Variants in ALK observed in about 807,000 individuals in gnomAD.
ALK encodes ALK tyrosine kinase receptor.
In ALK, 74 loss-of-function variants were observed where a neutral mutation model predicts 163.1. The observed-to-expected ratio is 0.45, with a 90% CI of 0.38 to 0.55. The LOEUF (loss-of-function observed/expected upper bound fraction) is 0.55. Among genes scored for constraint, ALK ranks in the 20% least tolerant of loss-of-function variants. The pLI, the probability that ALK is intolerant of heterozygous loss-of-function variation, is 0.00. For synonymous variants in ALK, 960 were observed against 843.2 expected (o/e 1.14, Z -2.40); for missense variants, 2,063 against 2,105.3 (o/e 0.98, Z 0.39).
chr2:29,660,362 A>C (rs1677312568), intron 3 of ALK, among the ~76,000 whole-genome samples: 2 of 152,218 alleles, frequency 1.3e-5, no homozygotes, highest in Non-Finnish European at 2.9e-5. Context: ...AGGAACTGGA[A>C]ACAAGAAGAG....
At chr2:29,838,281 A>C (rs188337039) in intron 1 of ALK, among the ~76,000 whole-genome samples, 1 of 152,282 alleles carries the variant, frequency 6.6e-6, no homozygotes, top group Admixed American at 6.5e-5. Context: ...GTGAGACAAA[A>C]AGTTGGGTCA....
intron 1 of ALK, among the ~76,000 whole-genome samples, chr2:29,817,734 A>G (rs1413779577): frequency 6.6e-6 from 1 of 152,082 alleles, no homozygotes; most frequent in Non-Finnish European, 1.5e-5. Context: ...CCAAGTCCAC[A>G]TAGATGCAGG....
chr2:29,640,077 C>T (rs549273887), intron 3 of ALK, among the ~76,000 whole-genome samples: 126 of 152,242 alleles, frequency 8.3e-4, no homozygotes, highest in African/African-American at 2.8e-3. Context: ...CCTAATGCTG[C>T]GAATTAGACA....
chr2:29,214,927 A>G (rs1440568029), intron 23 of ALK, among the ~76,000 whole-genome samples: 1 of 152,206 alleles, frequency 6.6e-6, no homozygotes, highest in African/African-American at 2.4e-5. Context: ...AGCACCCAGC[A>G]CAATGCTGGA....
rs1665501457 is a variant in ALK, at chr2:29,275,169, C to T, written c.1971G>A (p.Glu657=). Residue 657 remains glutamate, a synonymous_variant, in exon 11 of 29, where the codon GAG becomes GAA. Coordinates refer to ENST00000389048, the MANE Select transcript of ALK (RefSeq NM_004304.5). ...NTAPKSRNLF[E]RNPNKELKPG... Reference sequence around the variant, plus strand: ...GTTTCAGCTCCTTGTTTGGGTTTCTCTCAAACAGGTTTCTTGATTTGGGTG... The same window carrying T: ...GTTTCAGCTCCTTGTTTGGGTTTCTTTCAAACAGGTTTCTTGATTTGGGTG... 2 of 1,614,204 alleles carry T rather than the reference C, an allele frequency of 1.2e-6. No individual in the cohort carries two copies. The highest frequency in any genetic ancestry group is 1.7e-6 in the Non-Finnish European group (2 of 1,180,036).
intron 1 of ALK, chr2:29,891,124 G>T (rs530132997): frequency 4.0e-4 from 61 of 152,332 alleles, no homozygotes; most frequent in African/African-American, 1.2e-3. Flanking sequence ...CCTAATGGAT[G>T]CTTTATAAGT....
At chr2:29,398,841 C>A (rs1463357899) in intron 4 of ALK, among the ~76,000 whole-genome samples, 1 of 152,150 alleles carries the variant, frequency 6.6e-6, no homozygotes, top group Non-Finnish European at 1.5e-5. Context: ...CAGCTCAGAG[C>A]AGGTTCAGAG....
intron 1 of ALK, chr2:29,892,438 T>C (rs997526119): frequency 6.6e-6 from 1 of 152,240 alleles, no homozygotes; most frequent in Non-Finnish European, 1.5e-5. Context: ...AACTGTCCAC[T>C]ATACTCTTCA....
intron 4 of ALK, among the ~76,000 whole-genome samples, chr2:29,456,192 G>A (rs769497573): frequency 6.6e-5 from 10 of 152,038 alleles, no homozygotes; most frequent in Non-Finnish European, 1.3e-4. Flanking sequence ...TAGAATTGTC[G>A]TATGCTCCAG....
intron 1 of ALK, among the ~76,000 whole-genome samples, chr2:29,762,714 T>A (rs1402563008): frequency 6.6e-6 from 1 of 152,168 alleles, no homozygotes; most frequent in Non-Finnish European, 1.5e-5. Context: ...CCAGCTAAGA[T>A]GTTGCAGCCA....
rs1399384472 is a variant in ALK at position 29,575,348 on chromosome 2, C to A, written c.953-43232G>T. 2.0e-5 allele frequency among the ~76,000 whole-genome samples: 3 copies of A among 152,282 alleles called. No individual in the cohort carries two copies. In the East Asian group the frequency reaches 5.8e-4, roughly 29 times the overall value. ...TTATGGAAAGCTGCGAATGTTTTCA[C>A]CAGGTTTCATCTGTTTTTATTCTCT... On this transcript the variant is annotated intron_variant, in intron 3 of 28. Coordinates refer to ENST00000389048, the MANE Select transcript of ALK (RefSeq NM_004304.5).
intron 1 of ALK, among the ~76,000 whole-genome samples, chr2:29,869,231 G>A (rs1666516083): frequency 6.6e-6 from 1 of 152,152 alleles, no homozygotes; most frequent in Non-Finnish European, 1.5e-5. Context: ...CATATAACAA[G>A]AGATAACTGG....
Position 29,697,250 on chromosome 2 carries a change from TCTC to T in ALK, c.788-2239_788-2237del, listed in dbSNP as rs1678594079. 1.3e-5 allele frequency among the ~76,000 whole-genome samples: 2 copies of T among 152,116 alleles called. 1 individual carries two copies. The highest frequency in any genetic ancestry group is 4.2e-4 in the South Asian group (2 of 4,800). On this transcript the variant is annotated intron_variant, in intron 2 of 28. Transcript: ENST00000389048. ...GCCAGCCCTATAATCTACCCTTCGATCTCCTCTCCAGAGAAGAGGGCCAAGGCT... is the reference window on the plus strand; with the variant it reads ...GCCAGCCCTATAATCTACCCTTCGATCTCTCCAGAGAAGAGGGCCAAGGCT...
chr2:29,366,421 C>A (rs190076131), intron 5 of ALK, among the ~76,000 whole-genome samples: 107 of 152,096 alleles, frequency 7.0e-4, no homozygotes, highest in African/African-American at 2.5e-3. Context: ...CAGTGGGGAG[C>A]CCTTGGCAGA....
At chr2:29,535,687 C>T (rs1386042101) in intron 3 of ALK, among the ~76,000 whole-genome samples, 1 of 152,188 alleles carries the variant, frequency 6.6e-6, no homozygotes, top group East Asian at 1.9e-4. Context: ...AAGGACTAAA[C>T]TGGAGTAGCT....
rs773000306 is a variant in ALK at position 29,232,412 on chromosome 2, C to G, written c.2524G>C (p.Ala842Pro). 2 of 1,614,148 alleles carry G rather than the reference C, an allele frequency of 1.2e-6. No homozygotes were observed. Among genetic ancestry groups the G allele is most frequent in the South Asian group, 2.2e-5 (2 of 91,092 alleles). ...CCGTAGGCCCTGCCACCACCTCCGG[C>G]TGCAATGATCAGGGGCACCGGCACT... ...DGVPVPLIIA[A>P]GGGGRAYGAK... is the part of the protein sequence containing the mutation. Residue 842 changes from alanine (A) to proline (P), a missense_variant, in exon 15 of 29, where the codon GCC becomes CCC. This residue lies in a region of ALK where 575 missense variants were observed against 626.6 expected (regional missense o/e 0.92). Coordinates refer to ENST00000389048, the MANE Select transcript of ALK (RefSeq NM_004304.5).
chr2:29,794,063 T>A (rs1475101412), intron 1 of ALK, among the ~76,000 whole-genome samples: 1 of 152,198 alleles, frequency 6.6e-6, no homozygotes, highest in Non-Finnish European at 1.5e-5. Context: ...TTGTTTTGCC[T>A]AGTTTGATGG....
rs954174222 is a variant in ALK, at chr2:29,920,695, C to T, written c.-36G>A. On this transcript the variant is annotated 5_prime_UTR_variant, in exon 1 of 29. Coordinates refer to ENST00000389048, the MANE Select transcript of ALK (RefSeq NM_004304.5). ...GAGGCCGTTTACACTGCTCTCCGGG[C>T]CCAGCCTCACCCTTCGCTCTCCCCG... The T allele has an allele frequency of 2.7e-6, 4 of 1,502,998 alleles. No individual in the cohort carries two copies. Among genetic ancestry groups the T allele is most frequent in the Non-Finnish European group, 3.6e-6 (4 of 1,119,374 alleles). The allele number at this position is 1,502,998 out of a possible 1,614,324, so 93.1% of individuals were successfully genotyped here. A position where few individuals can be genotyped will look rare whatever the true frequency, so the allele number is the denominator to read the frequency against.
At chr2:29,555,343 C>T (rs768890187) in intron 3 of ALK, among the ~76,000 whole-genome samples, 5 of 151,664 alleles carry the variant, frequency 3.3e-5, no homozygotes, top group East Asian at 1.9e-4. Context: ...CACTCATTTA[C>T]TTTACCTGCT....
Sources: allele counts gnomAD v4.1 joint callset (sites outside exome capture counted in the v4.1 genomes callset), GRCh38; gene constraint gnomAD v4.1.1; regional missense constraint gnomAD v4.1.1; transcripts MANE v1.5; gene names NCBI Gene and HGNC (gene_info 2026-07-23, HGNC 2026-07-21).